CDC73: variants seen among roughly 807,000 people sequenced by gnomAD.
CDC73 encodes the protein cell division cycle 73.
A neutral mutation model predicts 83.7 loss-of-function variants in CDC73; 21 were observed. The observed-to-expected ratio is 0.25, with a 90% CI of 0.18 to 0.36. The LOEUF is 0.36. Ranked by LOEUF, CDC73 falls within the 10% of genes least tolerant of loss-of-function variation. The pLI, the probability that CDC73 is intolerant of heterozygous loss-of-function variation, is 1.00. For missense variants in CDC73, 342 were observed against 653.3 expected, an observed-to-expected ratio of 0.52 and a Z score of 5.19; for synonymous variants, 224 against 212.9, an observed-to-expected ratio of 1.05 and a Z score of -0.45.
rs147419121 is a variant in CDC73, at chr1:193,162,588, C to T, written c.972+10144C>T. 8.6e-3 allele frequency among the ~76,000 whole-genome samples: 1,303 copies of T among 151,870 alleles called. 54 individuals carry two copies. Among genetic ancestry groups the T allele is most frequent in the Admixed American group, 0.055 (838 of 15,218 alleles). On this transcript the variant is annotated intron_variant, in intron 10 of 16. Transcript: ENST00000367435. ...TTCACCATGTTGGCCATGCTGGTCT[C>T]GAACTCCTGACCTCAAGTAATCTGC...
At chr1:193,200,020 A>T (rs1272951086) in intron 10 of CDC73, among the ~76,000 whole-genome samples, 1 of 150,768 alleles carries the variant, frequency 6.6e-6, no homozygotes, top group East Asian at 2.0e-4. Flanking sequence ...TGAGCTCAGG[A>T]GTTTGATACC....
chr1:193,213,023 A>G (rs1460731710), intron 13 of CDC73, among the ~76,000 whole-genome samples: 1 of 152,162 alleles, frequency 6.6e-6, no homozygotes, highest in Non-Finnish European at 1.5e-5. Context: ...GTTTGTTCTA[A>G]TAAACATGCA....
chr1:193,240,867 G>T (rs1385677631), intron 15 of CDC73, among the ~76,000 whole-genome samples: 1 of 152,078 alleles, frequency 6.6e-6, no homozygotes, highest in Non-Finnish European at 1.5e-5. Flanking sequence ...TTTGTTGCCT[G>T]TGCTTTTGAG....
chr1:193,192,566 A>G (rs2103169334), intron 10 of CDC73, among the ~76,000 whole-genome samples: 1 of 152,338 alleles, frequency 6.6e-6, no homozygotes, highest in South Asian at 2.1e-4. Context: ...CATCTTCAGT[A>G]TGATTGGTTA....
At chr1:193,247,051 C>T (rs1024278856) in intron 15 of CDC73, among the ~76,000 whole-genome samples, 5 of 152,054 alleles carry the variant, frequency 3.3e-5, no homozygotes, top group African/African-American at 9.7e-5. Context: ...TGAATTTGTG[C>T]GTGTAAGGTA....
At position 193,147,777 on chromosome 1, in the gene CDC73, C is replaced by A. The variant is rs983585306; in HGVS notation, c.730-90C>A. 1.5e-5 allele frequency: 12 copies of A among 781,892 alleles called. No individual in the cohort carries two copies. The Admixed American group carries it at 2.2e-4, about 14-fold the overall frequency. The allele number at this position is 781,892 out of a possible 1,614,324, so 48.4% of individuals were successfully genotyped here. On this transcript the variant is annotated intron_variant, in intron 7 of 16. Coordinates refer to ENST00000367435, the MANE Select transcript of CDC73 (RefSeq NM_024529.5). ...TATGACATATGTAGTAGGGAAGAAT[C>A]GATAGTAAGATAACTTAGTCTTAAA...
intron 6 of CDC73, among the ~76,000 whole-genome samples, chr1:193,138,749 A>G (rs1271451769): frequency 7.0e-6 from 1 of 143,106 alleles, no homozygotes; most frequent in Non-Finnish European, 1.5e-5. Context: ...TTATTTTTGG[A>G]TAGTTTCTGT....
rs1491246531 is a variant in CDC73 at position 193,162,350 on chromosome 1, A to AC, written c.972+9906_972+9907insC. 6.4e-4 allele frequency among the ~76,000 whole-genome samples: 89 copies of AC among 138,526 alleles called. 2 individuals are homozygous for AC. Among genetic ancestry groups the AC allele is most frequent in the South Asian group, 5.6e-3 (26 of 4,680 alleles). The allele number at this position is 138,526 out of a possible 152,430, so 90.9% of individuals were successfully genotyped here. A position where few individuals can be genotyped will look rare whatever the true frequency, so the allele number is the denominator to read the frequency against. On this transcript the variant is annotated intron_variant, in intron 10 of 16. Coordinates refer to ENST00000367435, the MANE Select transcript of CDC73 (RefSeq NM_024529.5). ...ACTATATACTATATATTATATATACATATATATTATATATAGTGTATATAT... is the reference window on the plus strand; with the variant it reads ...ACTATATACTATATATTATATATACACTATATATTATATATAGTGTATATAT...
chr1:193,238,765 TAAG>T (rs922349589), intron 15 of CDC73, among the ~76,000 whole-genome samples: 21 of 152,188 alleles, frequency 1.4e-4, no homozygotes, highest in African/African-American at 4.8e-4. Context: ...AAGAAAACGT[TAAG>T]AAAATCGTAA....
chr1:193,249,896 T>G, intron 16 of CDC73, 25 bp downstream of exon 16: 1 of 1,608,622 alleles, frequency 6.2e-7, no homozygotes, highest in Non-Finnish European at 8.5e-7. Context: ...AAAATATGCT[T>G]GTGTGTGTTT....
Position 193,236,332 on chromosome 1 carries a change from T to TCCC in CDC73, c.1394_1395insCCC (p.Pro466dup). The stretch of plus-strand genomic sequence containing the variant: ...TTGGCCATGGCTTTTGCCTGATGGA[T>TCCC]CACCAGTTGATATATTTGCTAAAAG... On this transcript the variant is annotated inframe_insertion, in exon 15 of 17. Coordinates refer to ENST00000367435, the MANE Select transcript of CDC73 (RefSeq NM_024529.5). 1.2e-6 allele frequency: 2 copies of TCCC among 1,609,572 alleles called. No individual in the cohort carries two copies. Among genetic ancestry groups the TCCC allele is most frequent in the Non-Finnish European group, 1.7e-6 (2 of 1,175,836 alleles).
At chr1:193,243,346 A>G (rs527605441) in intron 15 of CDC73, among the ~76,000 whole-genome samples, 1 of 152,170 alleles carries the variant, frequency 6.6e-6, no homozygotes, top group East Asian at 1.9e-4. Flanking sequence ...GTTTCGCATC[A>G]TTGCTTCATG....
At chr1:193,173,732 A>G (rs763429326) in intron 10 of CDC73, among the ~76,000 whole-genome samples, 1 of 152,214 alleles carries the variant, frequency 6.6e-6, no homozygotes, top group Non-Finnish European at 1.5e-5. Context: ...TTTTTAAGGC[A>G]TAAAAGAAAA....
intron 10 of CDC73, among the ~76,000 whole-genome samples, chr1:193,182,091 A>G (rs1440667084): frequency 6.6e-6 from 1 of 152,160 alleles, no homozygotes; most frequent in Non-Finnish European, 1.5e-5. Flanking sequence ...TATTGGTGGT[A>G]TGGTGCACAG....
intron 11 of CDC73, among the ~76,000 whole-genome samples, chr1:193,207,315 G>A (rs1558311149): frequency 6.6e-6 from 1 of 152,074 alleles, no homozygotes; most frequent in African/African-American, 2.4e-5. Flanking sequence ...TACTGATGAG[G>A]GTCTATGTCC....
intron 10 of CDC73, among the ~76,000 whole-genome samples, chr1:193,165,997 T>G (rs753955987): frequency 6.6e-6 from 1 of 152,214 alleles, no homozygotes; most frequent in Non-Finnish European, 1.5e-5. Flanking sequence ...AAAAAACAAT[T>G]ATCAAGTTAG....
intron 13 of CDC73, among the ~76,000 whole-genome samples, chr1:193,214,445 C>T (rs1364896187): frequency 3.3e-5 from 5 of 152,028 alleles, no homozygotes; most frequent in African/African-American, 9.7e-5. Flanking sequence ...TGGCTGGGCA[C>T]GGTGGCTCAC....
At chr1:193,150,735 T>G (rs1273364635) in intron 9 of CDC73, among the ~76,000 whole-genome samples, 1 of 152,192 alleles carries the variant, frequency 6.6e-6, no homozygotes, top group African/African-American at 2.4e-5. Context: ...TAGTAACTTT[T>G]TGTGTGAATT....
At chr1:193,178,347 TAGG>T (rs1676648663) in intron 10 of CDC73, among the ~76,000 whole-genome samples, 2 of 152,246 alleles carry the variant, frequency 1.3e-5, no homozygotes, top group Admixed American at 6.5e-5. Flanking sequence ...AAACTTGAGA[TAGG>T]AAGAATTTAG....
Sources: allele counts gnomAD v4.1 joint callset (sites outside exome capture counted in the v4.1 genomes callset), GRCh38; gene constraint gnomAD v4.1.1; transcripts MANE v1.5; gene names NCBI Gene and HGNC (gene_info 2026-07-23, HGNC 2026-07-21).